DEPTOR: variants seen among roughly 807,000 people sequenced by gnomAD.
DEPTOR encodes DEP domain containing MTOR interacting protein, also known as DEP domain-containing mTOR-interacting protein.
A neutral mutation model predicts 41.6 loss-of-function variants in DEPTOR; 41 were observed. The ratio of observed to expected loss-of-function variants is 0.98; its 90% CI spans 0.77 to 1.28. The LOEUF (loss-of-function observed/expected upper bound fraction) is 1.28, where lower values mean the gene tolerates loss of function less well. DEPTOR is among the 50% of genes most tolerant of loss of function. The pLI, the probability that DEPTOR is intolerant of heterozygous loss-of-function variation, is 0.00. For missense variants in DEPTOR, 514 were observed against 527.9 expected (o/e 0.97, Z 0.26); for synonymous variants, 195 against 192.3 (o/e 1.01, Z -0.12).
intron 1 of DEPTOR, among the ~76,000 whole-genome samples, chr8:119,895,248 T>G (rs559707257): frequency 6.6e-6 from 1 of 152,208 alleles, no homozygotes; most frequent in Non-Finnish European, 1.5e-5. Flanking sequence ...CCTTCCTGCA[T>G]TGAGCCTTTT....
intron 6 of DEPTOR, among the ~76,000 whole-genome samples, chr8:120,006,092 C>T (rs1181036077): frequency 6.6e-6 from 1 of 152,176 alleles, no homozygotes; most frequent in Non-Finnish European, 1.5e-5. Flanking sequence ...ATGATCCTAA[C>T]TCATTCATTC....
chr8:119,927,183 G>T (rs1187785173), intron 1 of DEPTOR, among the ~76,000 whole-genome samples: 1 of 152,084 alleles, frequency 6.6e-6, no homozygotes, highest in East Asian at 1.9e-4. Flanking sequence ...GGAACCACTG[G>T]GTGCAGAGTA....
chr8:120,038,569 T>C (rs2130192096), intron 8 of DEPTOR, among the ~76,000 whole-genome samples: 1 of 143,966 alleles, frequency 6.9e-6, no homozygotes, highest in Middle Eastern at 3.8e-3. Flanking sequence ...CTCCAACCTG[T>C]GTGACAAAGT....
chr8:120,004,835 A>T (rs73705876), intron 6 of DEPTOR, among the ~76,000 whole-genome samples: 175 of 151,166 alleles, frequency 1.2e-3, no homozygotes, highest in African/African-American at 4.2e-3. Flanking sequence ...TTCATCTGTG[A>T]TTTTTTTTTC....
intron 7 of DEPTOR, among the ~76,000 whole-genome samples, chr8:120,007,661 G>C (rs1177367187): frequency 6.6e-6 from 1 of 152,126 alleles, no homozygotes; most frequent in Non-Finnish European, 1.5e-5. Flanking sequence ...CCTCAGGCTG[G>C]GGGAGAATTC....
At chr8:120,049,084 C>G (rs989864779) in intron 8 of DEPTOR, among the ~76,000 whole-genome samples, 2 of 152,106 alleles carry the variant, frequency 1.3e-5, no homozygotes, top group Non-Finnish European at 2.9e-5. Context: ...AATGATGGTT[C>G]CCAAGGTGTT....
intron 6 of DEPTOR, 32 bp from the exon 7 acceptor site, chr8:120,006,773 G>A (rs1228046838): frequency 1.9e-6 from 3 of 1,604,638 alleles, no homozygotes; most frequent in Middle Eastern, 1.6e-4. Flanking sequence ...ACTTGGAAGT[G>A]CTTATGTCTT....
At chr8:120,016,393 A>C (rs1409904745) in intron 8 of DEPTOR, among the ~76,000 whole-genome samples, 1 of 151,184 alleles carries the variant, frequency 6.6e-6, no homozygotes, top group Non-Finnish European at 1.5e-5. Context: ...CTGCCTCCCG[A>C]GTTCAAGTGA....
intron 1 of DEPTOR, among the ~76,000 whole-genome samples, chr8:119,918,607 C>G (rs973639186): frequency 6.6e-6 from 1 of 152,032 alleles, no homozygotes; most frequent in Non-Finnish European, 1.5e-5. Context: ...ACTACAGGCA[C>G]GTGCCACCAT....
intron 1 of DEPTOR, among the ~76,000 whole-genome samples, chr8:119,914,149 G>A (rs1049879524): frequency 2.0e-5 from 3 of 151,158 alleles, no homozygotes; most frequent in Non-Finnish European, 4.4e-5. Context: ...GGGTTCAAGC[G>A]ATTCTCCTTC....
chr8:120,027,642 T>C (rs1228542106), intron 8 of DEPTOR, among the ~76,000 whole-genome samples: 1 of 151,290 alleles, frequency 6.6e-6, no homozygotes, highest in Admixed American at 6.6e-5. Context: ...GAGGTGGAGG[T>C]TGCAGTGAGC....
At chr8:119,996,518 G>T (rs944266508) in intron 4 of DEPTOR, among the ~76,000 whole-genome samples, 2 of 152,124 alleles carry the variant, frequency 1.3e-5, no homozygotes, top group African/African-American at 2.4e-5. Flanking sequence ...TTTTGTATTT[G>T]ATCTTAGATA....
At chr8:119,964,515 CAAAAAAA>C (rs536731714) in intron 3 of DEPTOR, among the ~76,000 whole-genome samples, 59 of 121,682 alleles carry the variant, frequency 4.8e-4, no homozygotes, top group Non-Finnish European at 7.3e-4. Flanking sequence ...AAGCCCGTCT[CAAAAAAA>C]AAAAAAAAAA....
chr8:119,977,757 A>G (rs1211354479), intron 4 of DEPTOR, among the ~76,000 whole-genome samples: 1 of 152,214 alleles, frequency 6.6e-6, no homozygotes, highest in Non-Finnish European at 1.5e-5. Flanking sequence ...GGAATACAGG[A>G]TGCCTTATCT....
chr8:120,009,630 A>AAACAAC (rs367837597), intron 8 of DEPTOR, among the ~76,000 whole-genome samples: 3 of 150,268 alleles, frequency 2.0e-5, no homozygotes, highest in East Asian at 1.9e-4. Flanking sequence ...AAACAAAACA[A>AAACAAC]AACAACAACA....
intron 8 of DEPTOR, among the ~76,000 whole-genome samples, chr8:120,020,978 G>A (rs977346020): frequency 2.0e-5 from 3 of 151,826 alleles, no homozygotes; most frequent in Non-Finnish European, 2.9e-5. Flanking sequence ...AGAATCACTC[G>A]AACCTTGGAG....
intron 8 of DEPTOR, among the ~76,000 whole-genome samples, chr8:120,027,353 A>G (rs1812814174): frequency 6.6e-6 from 1 of 152,164 alleles, no homozygotes; most frequent in South Asian, 2.1e-4. Context: ...AGTACCACCA[A>G]CTCAGTTTCA....
intron 8 of DEPTOR, among the ~76,000 whole-genome samples, chr8:120,029,979 G>A (rs980220254): frequency 2.0e-5 from 3 of 152,170 alleles, no homozygotes; most frequent in African/African-American, 7.2e-5. Flanking sequence ...ATTGCTGATC[G>A]CTGGGGCCTT....
rs573946667 is a variant in DEPTOR, at chr8:120,024,604, G to A, written c.1101+15471G>A. Among the ~76,000 whole-genome samples the A allele has an allele frequency of 1.0e-3, 158 of 152,224 alleles. 2 individuals carry two copies. Among genetic ancestry groups the A allele is most frequent in the African/African-American group, 3.4e-3 (141 of 41,558 alleles). ...CAGAAGAAAGATCATGTAAAGACGC[G>A]AAGGGGAATTGTCCATGTGACTGGA... On this transcript the variant is annotated intron_variant, in intron 8 of 8. Coordinates refer to ENST00000286234, the MANE Select transcript of DEPTOR (RefSeq NM_022783.4).
Sources: gnomAD v4.1 joint callset for allele counts (sites outside exome capture counted in the v4.1 genomes callset) on GRCh38, gnomAD v4.1.1 for gene constraint, MANE v1.5 for transcripts, NCBI Gene and HGNC (gene_info 2026-07-23, HGNC 2026-07-21) for gene names.